PTK7: variants seen among roughly 807,000 people sequenced by gnomAD.
PTK7 encodes protein tyrosine kinase 7 (inactive), also known as inactive tyrosine-protein kinase 7.
A neutral mutation model predicts 116.6 loss-of-function variants in PTK7; 39 were observed. That is an observed-to-expected ratio of 0.33 (90% CI 0.26 to 0.44). The LOEUF (loss-of-function observed/expected upper bound fraction) is 0.44. Ranked by LOEUF, PTK7 falls within the 20% of genes least tolerant of loss-of-function variation. The pLI, the probability that PTK7 is intolerant of heterozygous loss-of-function variation, is 1.00. For synonymous variants in PTK7, 546 were observed against 563.6 expected (o/e 0.97, Z 0.44); for missense variants, 1,169 against 1,425.6 (o/e 0.82, Z 2.90).
chr6:43,147,290 G>A (rs574669356), intron 17 of PTK7, among the ~76,000 whole-genome samples: 1 of 152,336 alleles, frequency 6.6e-6, no homozygotes, highest in Non-Finnish European at 1.5e-5. Context: ...GGGCCCCTGT[G>A]GTAGAGCAGA....
intron 1 of PTK7, among the ~76,000 whole-genome samples, chr6:43,077,355 A>G (rs565746907): frequency 3.3e-4 from 51 of 152,286 alleles, no homozygotes; most frequent in African/African-American, 1.2e-3. Flanking sequence ...TTCCATCCTG[A>G]CTGTCCTCAC....
chr6:43,137,255 A>G (rs905593655), intron 7 of PTK7, among the ~76,000 whole-genome samples: 4 of 152,190 alleles, frequency 2.6e-5, no homozygotes, highest in South Asian at 2.1e-4. Context: ...GTAGATGACT[A>G]TAATAGTCTA....
At chr6:43,095,948 A>G (rs1029956266) in intron 1 of PTK7, among the ~76,000 whole-genome samples, 6 of 152,166 alleles carry the variant, frequency 3.9e-5, no homozygotes, top group Non-Finnish European at 8.8e-5. Flanking sequence ...AGCCCTTTTT[A>G]TATCTAATGC....
At chr6:43,128,609 A>G (rs920446305) in intron 1 of PTK7, among the ~76,000 whole-genome samples, 3 of 152,086 alleles carry the variant, frequency 2.0e-5, no homozygotes, top group Admixed American at 1.3e-4. Context: ...ACATGGCGAA[A>G]CCCTGTCTCT....
intron 1 of PTK7, among the ~76,000 whole-genome samples, chr6:43,114,367 T>A (rs908126745): frequency 2.0e-5 from 3 of 152,156 alleles, no homozygotes; most frequent in Admixed American, 6.5e-5. Flanking sequence ...TCTCTCTCTC[T>A]CTCTGTCAGT....
chr6:43,118,830 G>T (rs905001060), intron 1 of PTK7, among the ~76,000 whole-genome samples: 2 of 148,144 alleles, frequency 1.4e-5, no homozygotes, highest in African/African-American at 2.5e-5. Context: ...CTGCAGTGAC[G>T]TGATCTTGGC....
intron 7 of PTK7, among the ~76,000 whole-genome samples, chr6:43,137,861 C>T (rs1231671907): frequency 2.6e-5 from 4 of 152,138 alleles, no homozygotes; most frequent in Non-Finnish European, 5.9e-5. Context: ...GGCTGGAGTG[C>T]AGTGGCGTGA....
intron 6 of PTK7, 28 bp downstream of exon 6, chr6:43,132,192 G>A (rs376406517): frequency 6.3e-7 from 1 of 1,575,398 alleles, no homozygotes; most frequent in Non-Finnish European, 8.6e-7. Flanking sequence ...GGGTGCTGAT[G>A]TGGGAGGCTG....
chr6:43,159,364 T>C (rs1159233659), intron 18 of PTK7, among the ~76,000 whole-genome samples: 3 of 152,240 alleles, frequency 2.0e-5, no homozygotes, highest in African/African-American at 7.2e-5. Context: ...ACGAGGGCTC[T>C]GCAGCGCTGC....
At chr6:43,090,873 G>A (rs1290112237) in intron 1 of PTK7, among the ~76,000 whole-genome samples, 1 of 152,170 alleles carries the variant, frequency 6.6e-6, no homozygotes, top group East Asian at 1.9e-4. Context: ...GAAGGAGCTA[G>A]GGAAACCTGT....
At position 43,139,134 on chromosome 6, in the gene PTK7, A is replaced by C; in HGVS notation, c.1363-2A>C. 1 of 1,614,112 alleles carries C rather than the reference A, an allele frequency of 6.2e-7. No individual in the cohort carries two copies. On this transcript the variant is annotated splice_acceptor_variant, in intron 8 of 19. Coordinates refer to ENST00000230419, the MANE Select transcript of PTK7 (RefSeq NM_002821.5). LOFTEE classifies it high-confidence loss of function. This position sits in a 1 kb window ranked among gnomAD's most constrained non-coding sequence, Gnocchi z 4.6. Reference sequence around the variant, plus strand: ...CTCTGAGGCCTCTCACCTGTGCTGCAGGACTCACGGTTCGAGGTCTTCAAG... The same window carrying C: ...CTCTGAGGCCTCTCACCTGTGCTGCCGGACTCACGGTTCGAGGTCTTCAAG...
intron 7 of PTK7, 185 bp downstream of exon 7, chr6:43,132,872 G>T (rs1446019754): frequency 3.7e-6 from 3 of 814,148 alleles, no homozygotes; most frequent in Non-Finnish European, 6.0e-6. Context: ...GGTTAGGGTG[G>T]GTGCTCCAGA....
intron 1 of PTK7, among the ~76,000 whole-genome samples, chr6:43,091,832 A>G (rs1766970479): frequency 6.6e-6 from 1 of 152,158 alleles, no homozygotes; most frequent in Admixed American, 6.6e-5. Context: ...ATGTCAGGGT[A>G]TCAGATGCTT....
At position 43,076,910 on chromosome 6, in the gene PTK7, A is replaced by G. The variant is rs915535144; in HGVS notation, c.79+343A>G. ...TGGGGAGTTTCTTGTCGGGGGAGAA[A>G]AGACCATCCGCACCCACCGTGGGGA... On this transcript the variant is annotated intron_variant, in intron 1 of 19. Coordinates refer to ENST00000230419, the MANE Select transcript of PTK7 (RefSeq NM_002821.5). This position sits in a 1 kb window ranked among gnomAD's most constrained non-coding sequence, Gnocchi z 5.7. 2.6e-5 allele frequency: 39 copies of G among 1,513,690 alleles called. No individual in the cohort carries two copies. Among genetic ancestry groups the G allele is most frequent in the Non-Finnish European group, 3.4e-5 (39 of 1,131,400 alleles). 93.8% of individuals were successfully genotyped at this position (1,513,690 alleles called of 1,614,324 possible).
intron 17 of PTK7, among the ~76,000 whole-genome samples, chr6:43,149,557 A>G (rs1185985383): frequency 6.6e-6 from 1 of 152,168 alleles, no homozygotes. Flanking sequence ...AATCCCTTTT[A>G]GGAAATGCAT....
intron 7 of PTK7, among the ~76,000 whole-genome samples, chr6:43,133,974 G>A (rs112123936): frequency 3.3e-5 from 5 of 152,316 alleles, no homozygotes; most frequent in African/African-American, 1.2e-4. Context: ...AGGTGCAAAG[G>A]CAAGATGCAC....
chr6:43,093,366 T>A (rs962221021), intron 1 of PTK7, among the ~76,000 whole-genome samples: 1 of 152,002 alleles, frequency 6.6e-6, no homozygotes, highest in African/African-American at 2.4e-5. Flanking sequence ...ATTCAAAGTC[T>A]CCATTTTGAA....
chr6:43,078,884 G>A (rs1262728211), intron 1 of PTK7, among the ~76,000 whole-genome samples: 1 of 152,196 alleles, frequency 6.6e-6, no homozygotes, highest in Non-Finnish European at 1.5e-5. Context: ...TTTCTTTGGG[G>A]AAATTGAGTC....
chr6:43,084,983 A>G (rs1766575325), intron 1 of PTK7, among the ~76,000 whole-genome samples: 1 of 152,200 alleles, frequency 6.6e-6, no homozygotes, highest in Non-Finnish European at 1.5e-5. Context: ...AAGTAATAGA[A>G]GAGACATCTA....
Sources: allele counts gnomAD v4.1 joint callset (sites outside exome capture counted in the v4.1 genomes callset), GRCh38; gene constraint gnomAD v4.1.1; non-coding constraint Gnocchi (gnomAD v3.1); transcripts MANE v1.5; gene names NCBI Gene and HGNC (gene_info 2026-07-23, HGNC 2026-07-21).